Variants in LOC128462377 observed in about 807,000 individuals in gnomAD.
chr16:89,371,159 G>T, the LOC128462377 span, among the ~76,000 whole-genome samples: 1 of 152,264 alleles, frequency 6.6e-6, no homozygotes, highest in South Asian at 2.1e-4. Flanking sequence ...GCACGTAAGT[G>T]GCTGGTCCCA....
chr16:89,321,559 G>A, the LOC128462377 span, among the ~76,000 whole-genome samples: 1 of 152,024 alleles, frequency 6.6e-6, no homozygotes, highest in Non-Finnish European at 1.5e-5. Flanking sequence ...CAGGGAGTCC[G>A]TGGACCATGG....
the LOC128462377 span, among the ~76,000 whole-genome samples, chr16:89,407,002 T>C: frequency 0.014 from 2,152 of 151,954 alleles, 58 homozygotes; most frequent in African/African-American, 0.049. Flanking sequence ...CTGGACAATA[T>C]GGTGAAACCC....
the LOC128462377 span, among the ~76,000 whole-genome samples, chr16:89,388,624 T>C: frequency 6.6e-6 from 1 of 152,048 alleles, no homozygotes; most frequent in Non-Finnish European, 1.5e-5. Context: ...CCTGAGAAGA[T>C]GGGGCTGAAG....
At chr16:89,377,043 A>G in the LOC128462377 span, among the ~76,000 whole-genome samples, 12 of 152,346 alleles carry the variant, frequency 7.9e-5, no homozygotes, top group East Asian at 2.3e-3. Context: ...TTTGTCCGTG[A>G]AGTCAGGAAG....
At chr16:89,339,843 C>T in the LOC128462377 span, 1 of 152,174 alleles carries the variant, frequency 6.6e-6, no homozygotes, top group African/African-American at 2.4e-5. Flanking sequence ...TGGGGCTAAG[C>T]ATTCCTCTCG....
At chr16:89,383,860 C>A in the LOC128462377 span, among the ~76,000 whole-genome samples, 1 of 152,236 alleles carries the variant, frequency 6.6e-6, no homozygotes, top group African/African-American at 2.4e-5. Flanking sequence ...CCAAACACCA[C>A]CTCCAAGCTC....
the LOC128462377 span, chr16:89,324,159 C>A: frequency 9.2e-7 from 1 of 1,082,456 alleles, no homozygotes; most frequent in Non-Finnish European, 1.2e-6. Context: ...TTTCCACTCA[C>A]ATTTTCTGTT....
chr16:89,372,510 CA>C, the LOC128462377 span, among the ~76,000 whole-genome samples: 4 of 152,156 alleles, frequency 2.6e-5, no homozygotes, highest in African/African-American at 9.7e-5. Context: ...GGAAGGTTTC[CA>C]GCTGACAGAG....
At chr16:89,334,001 G>C in the LOC128462377 span, among the ~76,000 whole-genome samples, 86 of 152,054 alleles carry the variant, frequency 5.7e-4, no homozygotes, top group African/African-American at 2.0e-3. Flanking sequence ...ATATATCTAA[G>C]TTTCTCAATC....
the LOC128462377 span, among the ~76,000 whole-genome samples, chr16:89,378,641 G>A: frequency 6.6e-6 from 1 of 152,192 alleles, no homozygotes; most frequent in African/African-American, 2.4e-5. Context: ...CTTGTTTGAA[G>A]ACACTGGTGT....
At chr16:89,344,930 C>G in the LOC128462377 span, among the ~76,000 whole-genome samples, 1 of 152,176 alleles carries the variant, frequency 6.6e-6, no homozygotes, top group African/African-American at 2.4e-5. Flanking sequence ...TAGAAAATAC[C>G]AGTGAAAAAG....
At chr16:89,326,856 G>A in the LOC128462377 span, among the ~76,000 whole-genome samples, 5 of 152,322 alleles carry the variant, frequency 3.3e-5, no homozygotes, top group East Asian at 7.7e-4. Context: ...AAGCCTGCCC[G>A]CCAGGGGCTG....
chr16:89,398,587 A>C, the LOC128462377 span, among the ~76,000 whole-genome samples: 1 of 152,202 alleles, frequency 6.6e-6, no homozygotes, highest in Non-Finnish European at 1.5e-5. Flanking sequence ...CAATAAAAAA[A>C]CAAAAATAGC....
the LOC128462377 span, among the ~76,000 whole-genome samples, chr16:89,363,832 G>C: frequency 3.3e-5 from 5 of 152,068 alleles, no homozygotes; most frequent in Non-Finnish European, 7.4e-5. Context: ...CGGCAAGGAG[G>C]ACTGACTGAG....
At chr16:89,384,880 T>TTTTTTTTTTTTTTTC in the LOC128462377 span, among the ~76,000 whole-genome samples, 1 of 10,510 alleles carries the variant, frequency 9.5e-5, no homozygotes, top group East Asian at 2.9e-3. Context: ...AATAGTTTTC[T>TTTTTTTTTTTTTTTC]TTTTTTTTTT....
the LOC128462377 span, among the ~76,000 whole-genome samples, chr16:89,338,106 ATCCCAGGACGCCGCCCGTCAGGC>A: frequency 6.6e-6 from 1 of 152,144 alleles, no homozygotes; most frequent in Non-Finnish European, 1.5e-5. Context: ...CACTATGGCC[ATCCCAGGACGCCGCCCGTCAGGC>A]TCCCAGGACA....
the LOC128462377 span, among the ~76,000 whole-genome samples, chr16:89,340,309 G>C: frequency 5.3e-5 from 8 of 152,192 alleles, no homozygotes; most frequent in African/African-American, 1.2e-4. Flanking sequence ...ACGGAGTCTC[G>C]CTCTGTCGCC....
the LOC128462377 span, among the ~76,000 whole-genome samples, chr16:89,413,224 A>G: frequency 6.6e-6 from 1 of 152,262 alleles, no homozygotes; most frequent in African/African-American, 2.4e-5. Context: ...AACTGATTCT[A>G]CTAAACAATG....
At chr16:89,352,174 G>A in the LOC128462377 span, among the ~76,000 whole-genome samples, 1 of 152,138 alleles carries the variant, frequency 6.6e-6, no homozygotes, top group Non-Finnish European at 1.5e-5. Context: ...ACAGGCGTGA[G>A]CCATTGCACC....
Sources: gnomAD v4.1 joint callset for allele counts (sites outside exome capture counted in the v4.1 genomes callset) on GRCh38, gnomAD v4.1.1 for gene constraint, MANE v1.5 for transcripts.